Variants in DPP6 observed in about 807,000 individuals in gnomAD.
The protein encoded by DPP6 is A-type potassium channel modulatory protein DPP6.
In DPP6, 69 loss-of-function variants were observed where a neutral mutation model predicts 122.6. That is an observed-to-expected ratio of 0.56 (90% confidence interval 0.46 to 0.69). The LOEUF (loss-of-function observed/expected upper bound fraction) is 0.69, where lower values mean the gene tolerates loss of function less well. DPP6 is among the 30% of genes least tolerant of loss of function. The pLI is 0.00. For missense variants in DPP6, 928 were observed against 1,116.9 expected, an observed-to-expected ratio of 0.83 and a Z score of 2.41; for synonymous variants, 418 against 433.1, an observed-to-expected ratio of 0.97 and a Z score of 0.43.
At chr7:154,287,283 G>T (rs756116023) in intron 1 of DPP6, among the ~76,000 whole-genome samples, 1 of 152,186 alleles carries the variant, frequency 6.6e-6, no homozygotes, top group African/African-American at 2.4e-5. Flanking sequence ...TGACCACAGA[G>T]GGAAGGAGAA....
chr7:154,180,859 C>G lies in DPP6; in HGVS notation c.243+127796C>G, dbSNP rs571476986. ...TACAAATCCATCATGCCTACCTTTTCAAAATCACATTAATTCAAGTTCACA... is the reference window on the plus strand; with the variant it reads ...TACAAATCCATCATGCCTACCTTTTGAAAATCACATTAATTCAAGTTCACA... On this transcript the variant is annotated intron_variant, in intron 1 of 25. Coordinates refer to ENST00000377770, the MANE Select transcript of DPP6 (RefSeq NM_130797.4). Among the ~76,000 whole-genome samples the G allele has an allele frequency of 6.1e-4, 93 of 152,258 alleles. 2 individuals are homozygous for G. The South Asian group carries it at 0.018, about 30-fold the overall frequency.
chr7:154,434,747 CCTGCTCATA>C (rs1563665551), intron 1 of DPP6, among the ~76,000 whole-genome samples: 1 of 152,134 alleles, frequency 6.6e-6, no homozygotes, highest in Admixed American at 6.6e-5. Context: ...TTGATCAGGG[CCTGCTCATA>C]CTCAGACATT....
chr7:154,299,687 C>T (rs1180206043), intron 1 of DPP6, among the ~76,000 whole-genome samples: 1 of 152,186 alleles, frequency 6.6e-6, no homozygotes, highest in East Asian at 1.9e-4. Flanking sequence ...TCACAACTCA[C>T]AATTTAAAGA....
intron 1 of DPP6, among the ~76,000 whole-genome samples, chr7:154,104,886 ACACT>A (rs554791933): frequency 1.8e-4 from 27 of 151,986 alleles, no homozygotes; most frequent in Non-Finnish European, 2.8e-4. Flanking sequence ...TACATAACAA[ACACT>A]CAGTGTAAGA....
intron 1 of DPP6, among the ~76,000 whole-genome samples, chr7:154,244,882 T>A (rs1801871833): frequency 6.6e-6 from 1 of 151,922 alleles, no homozygotes. Flanking sequence ...TGCAAATTAA[T>A]TAAACATCCC....
intron 1 of DPP6, among the ~76,000 whole-genome samples, chr7:153,983,725 A>G (rs192875961): frequency 0.011 from 1,731 of 152,060 alleles, 32 homozygotes; most frequent in African/African-American, 0.039. Flanking sequence ...AGACCGTGGG[A>G]AAAGCCTAGT....
intron 1 of DPP6, among the ~76,000 whole-genome samples, chr7:153,964,469 A>C (rs1312298607): frequency 6.6e-6 from 1 of 152,120 alleles, no homozygotes; most frequent in Non-Finnish European, 1.5e-5. Flanking sequence ...CTACCTGGGC[A>C]CACCAGGGCT....
chr7:154,399,825 T>C (rs1815415303), intron 1 of DPP6, among the ~76,000 whole-genome samples: 1 of 152,190 alleles, frequency 6.6e-6, no homozygotes, highest in African/African-American at 2.4e-5. Context: ...GGATATCATT[T>C]CTATTCAGGT....
At chr7:154,583,158 C>T (rs1012413909) in intron 5 of DPP6, among the ~76,000 whole-genome samples, 1 of 152,230 alleles carries the variant, frequency 6.6e-6, no homozygotes, top group East Asian at 1.9e-4. Context: ...CTGTTTTAGG[C>T]TGCCTGGGCT....
chr7:154,268,098 A>G lies in DPP6; in HGVS notation c.244-178116A>G, dbSNP rs149498138. ...GACCAACATGTCTGAAAGCCACTGA[A>G]TTACCTTAACAGCTCCTAGGTCTGA... On this transcript the variant is annotated intron_variant, in intron 1 of 25. Transcript: ENST00000377770. Among the ~76,000 whole-genome samples, 601 of 152,248 alleles carry G rather than the reference A, an allele frequency of 3.9e-3. 7 individuals are homozygous for G. Among genetic ancestry groups the G allele is most frequent in the Middle Eastern group, 0.017 (5 of 294 alleles).
intron 1 of DPP6, among the ~76,000 whole-genome samples, chr7:154,417,046 T>G (rs1306037410): frequency 2.0e-5 from 3 of 152,208 alleles, no homozygotes; most frequent in Non-Finnish European, 4.4e-5. Context: ...TGTGATATTA[T>G]TCAAATCACT....
intron 1 of DPP6, among the ~76,000 whole-genome samples, chr7:154,167,113 A>G (rs1013206117): frequency 6.6e-6 from 1 of 151,622 alleles, no homozygotes; most frequent in Non-Finnish European, 1.5e-5. Flanking sequence ...AGAAAACACC[A>G]GCGAACAGAC....
At chr7:154,574,583 G>GTA (rs1226066889) in intron 5 of DPP6, among the ~76,000 whole-genome samples, 4 of 140,410 alleles carry the variant, frequency 2.8e-5, no homozygotes, top group Non-Finnish European at 6.2e-5. Flanking sequence ...TGGTGTGTGT[G>GTA]TATGTGTGTG....
intron 1 of DPP6, among the ~76,000 whole-genome samples, chr7:154,224,636 G>T (rs1020176610): frequency 1.3e-5 from 2 of 149,086 alleles, no homozygotes; most frequent in African/African-American, 5.1e-5. Context: ...TTCCTTAACT[G>T]TGTGACACTT....
chr7:154,512,217 C>T (rs1189716962), intron 3 of DPP6, among the ~76,000 whole-genome samples: 1 of 152,142 alleles, frequency 6.6e-6, no homozygotes, highest in African/African-American at 2.4e-5. Context: ...ACCTCTTAAA[C>T]AGTTTCTTTA....
chr7:153,868,121 TTG>T, the DPP6 span, among the ~76,000 whole-genome samples: 82 of 152,140 alleles, frequency 5.4e-4, no homozygotes, highest in African/African-American at 1.9e-3. Flanking sequence ...TCTTTTTTGG[TTG>T]TGTCTCTGCC....
chr7:154,103,597 G>A (rs1376416339), intron 1 of DPP6, among the ~76,000 whole-genome samples: 4 of 152,254 alleles, frequency 2.6e-5, no homozygotes, highest in Non-Finnish European at 2.9e-5. Flanking sequence ...TGGGTGTGTC[G>A]GTGAGGGTGC....
At chr7:154,650,608 G>A (rs1836813952) in intron 6 of DPP6, among the ~76,000 whole-genome samples, 1 of 152,210 alleles carries the variant, frequency 6.6e-6, no homozygotes, top group Admixed American at 6.5e-5. Flanking sequence ...AGAAGACACA[G>A]TTGTTGATTG....
At chr7:153,916,369 ATCTCCTCCCCTCTCC>A (rs1800317407) in intron 1 of DPP6, among the ~76,000 whole-genome samples, 1 of 46,370 alleles carries the variant, frequency 2.2e-5, no homozygotes, top group African/African-American at 8.9e-5. Context: ...GTCCCCTCCT[ATCTCCTCCCCTCTCC>A]TCCCCTCCCC....
Sources: gnomAD v4.1 joint callset for allele counts (sites outside exome capture counted in the v4.1 genomes callset) on GRCh38, gnomAD v4.1.1 for gene constraint, MANE v1.5 for transcripts, NCBI Gene and HGNC (gene_info 2026-07-23, HGNC 2026-07-21) for gene names.